The following DNAI4 variants were observed in gnomAD, a reference collection of about 807,000 sequenced individuals.
The protein encoded by DNAI4 is WD repeat domain 78.
Under a neutral mutation model 105.8 loss-of-function variants are expected in DNAI4, and 85 were observed. The ratio of observed to expected loss-of-function variants is 0.80; its 90% CI spans 0.67 to 0.96. DNAI4 has a LOEUF of 0.96. Among genes scored for constraint, DNAI4 ranks in the 40% least tolerant of loss-of-function variants. The probability of loss-of-function intolerance (pLI) is 0.00; values close to 1 mark genes in which losing one functional copy is unlikely to be tolerated. For synonymous variants in DNAI4, 352 were observed against 331.5 expected (o/e 1.06, Z -0.67); for missense variants, 1,014 against 1,005.6 (o/e 1.01, Z -0.11).
At chr1:66,816,007 T>C (rs1026986621) in intron 16 of DNAI4, among the ~76,000 whole-genome samples, 10 of 152,062 alleles carry the variant, frequency 6.6e-5, no homozygotes, top group Admixed American at 5.9e-4. Context: ...AGAAATCATG[T>C]CACTTAATAC....
At chr1:66,905,152 T>A in intron 2 of DNAI4, 49 bp downstream of exon 2, 1 of 1,341,240 alleles carries the variant, frequency 7.5e-7, no homozygotes, top group East Asian at 2.5e-5. Flanking sequence ...TTCAATTGAG[T>A]TTTTCACAGT....
At chr1:66,887,872 T>C (rs1647276237) in intron 4 of DNAI4, among the ~76,000 whole-genome samples, 1 of 152,026 alleles carries the variant, frequency 6.6e-6, no homozygotes, top group Non-Finnish European at 1.5e-5. Context: ...GGCAGGAGAA[T>C]GGCCTGAACC....
chr1:66,887,945 C>T (rs539468383), intron 4 of DNAI4, among the ~76,000 whole-genome samples: 33 of 151,752 alleles, frequency 2.2e-4, no homozygotes, highest in African/African-American at 6.8e-4. Context: ...GGTGACAGAG[C>T]GAGACTTTGT....
rs1297714379 is a variant in DNAI4, at chr1:66,835,688, G to A, written c.1671C>T (p.His557=). Residue 557 remains histidine (H), a synonymous_variant, in exon 11 of 17, where the codon CAC becomes CAT. Transcript: ENST00000371026. ...CATTGTAAATTGCAATTGTGCCATT[G>A]TGATAGCCAACGGCTAAAAGGTTAG... is the stretch of plus-strand genomic sequence containing the variant. ...GAPNLLAVGY[H]NGTIAIYNVR... 51 of 1,614,000 alleles carry A rather than the reference G, an allele frequency of 3.2e-5. No individual in the cohort carries two copies. Among genetic ancestry groups the A allele is most frequent in the Non-Finnish European group, 3.8e-5 (45 of 1,179,996 alleles).
chr1:66,840,173 C>T (rs548943183), intron 9 of DNAI4, among the ~76,000 whole-genome samples: 1 of 152,182 alleles, frequency 6.6e-6, no homozygotes, highest in South Asian at 2.1e-4. Flanking sequence ...TTTACTTATT[C>T]ATATCTAACA....
Position 66,880,936 on chromosome 1 carries a change from G to A in DNAI4, c.644-5999C>T, listed in dbSNP as rs985832449. 4.6e-5 allele frequency among the ~76,000 whole-genome samples: 7 copies of A among 152,252 alleles called. No individual in the cohort carries two copies. The East Asian group carries it at 1.4e-3, about 29-fold the overall frequency. On this transcript the variant is annotated intron_variant, in intron 4 of 16. Transcript: ENST00000371026. ...GTGTTGTGTGCAGTCTAGGTATTTTGTGCCCTGCATCCCAGCCACTCCAGC... is the reference window on the plus strand; with the variant it reads ...GTGTTGTGTGCAGTCTAGGTATTTTATGCCCTGCATCCCAGCCACTCCAGC...
chr1:66,853,280 T>TCC (rs920476428), intron 7 of DNAI4, among the ~76,000 whole-genome samples: 8 of 152,224 alleles, frequency 5.3e-5, no homozygotes, highest in African/African-American at 1.9e-4. Context: ...CCTTGGGCTT[T>TCC]CCCACAGGTT....
intron 1 of DNAI4, among the ~76,000 whole-genome samples, chr1:66,915,809 G>T (rs1650021712): frequency 6.6e-6 from 1 of 152,048 alleles, no homozygotes; most frequent in Non-Finnish European, 1.5e-5. Flanking sequence ...AAAGCTTAAA[G>T]AGAATAATTT....
chr1:66,922,253 G>A (rs1650542889), intron 1 of DNAI4, among the ~76,000 whole-genome samples: 1 of 152,122 alleles, frequency 6.6e-6, no homozygotes. Context: ...AAAAATTCAA[G>A]CAAAGGTGAG....
At position 66,856,470 on chromosome 1, in the gene DNAI4, C is replaced by T. The variant is rs1264133344; in HGVS notation, c.1096+5677G>A. On this transcript the variant is annotated intron_variant, in intron 7 of 16. Coordinates refer to ENST00000371026, the MANE Select transcript of DNAI4 (RefSeq NM_024763.5). ...CCTGGGCGACAGAGCGAGACTCCGT[C>T]TCAAAAAAATAAAATAAAAATAAAA... Among the ~76,000 whole-genome samples the T allele has an allele frequency of 2.0e-5, 3 of 151,574 alleles. No homozygotes were observed. The East Asian group carries it at 5.8e-4, about 29-fold the overall frequency.
chr1:66,839,011 A>G (rs918182306), intron 9 of DNAI4, among the ~76,000 whole-genome samples: 1 of 152,240 alleles, frequency 6.6e-6, no homozygotes, highest in Non-Finnish European at 1.5e-5. Flanking sequence ...TCCATCTGTA[A>G]TATGTTTGTA....
chr1:66,837,985 A>C (rs922689681), intron 9 of DNAI4, among the ~76,000 whole-genome samples, 189 bp from the exon 10 acceptor site: 3 of 152,206 alleles, frequency 2.0e-5, no homozygotes, highest in Non-Finnish European at 4.4e-5. Context: ...AAAGTTAATG[A>C]GTATAATGCT....
At chr1:66,852,131 T>A (rs550820853) in intron 7 of DNAI4, among the ~76,000 whole-genome samples, 1 of 151,670 alleles carries the variant, frequency 6.6e-6, no homozygotes, top group Non-Finnish European at 1.5e-5. Flanking sequence ...ATAACATAAA[T>A]CTCACAACTT....
chr1:66,830,882 T>A (rs542922353), intron 13 of DNAI4, among the ~76,000 whole-genome samples: 24 of 145,052 alleles, frequency 1.7e-4, no homozygotes, highest in Non-Finnish European at 3.3e-4. Context: ...GAGGCTGACG[T>A]GGGAGGATAG....
chr1:66,868,868 G>A (rs910077780), intron 6 of DNAI4, among the ~76,000 whole-genome samples: 2 of 151,750 alleles, frequency 1.3e-5, no homozygotes, highest in African/African-American at 4.8e-5. Flanking sequence ...ATGGGGTCAG[G>A]AGATCGAGAC....
chr1:66,847,403 C>A (rs1458122822), intron 8 of DNAI4, 81 bp downstream of exon 8: 2 of 1,383,944 alleles, frequency 1.4e-6, no homozygotes, highest in Non-Finnish European at 2.0e-6. Context: ...AAGCAATCCT[C>A]TTCCTCAGCC....
chr1:66,911,864 CAG>C (rs1240172630), intron 1 of DNAI4, among the ~76,000 whole-genome samples: 1 of 151,956 alleles, frequency 6.6e-6, no homozygotes, highest in African/African-American at 2.4e-5. Flanking sequence ...TTCTTTGAGA[CAG>C]AGTCTCACTC....
At chr1:66,914,138 G>T (rs1051506213) in intron 1 of DNAI4, among the ~76,000 whole-genome samples, 1 of 151,986 alleles carries the variant, frequency 6.6e-6, no homozygotes, top group African/African-American at 2.4e-5. Context: ...AATAAAAAGT[G>T]GGAAATAAAT....
At chr1:66,912,129 C>T (rs1260049616) in intron 1 of DNAI4, among the ~76,000 whole-genome samples, 1 of 152,172 alleles carries the variant, frequency 6.6e-6, no homozygotes, top group East Asian at 1.9e-4. Flanking sequence ...CATAAGCCAG[C>T]GTTCCCAGCT....
Sources: allele counts gnomAD v4.1 joint callset (sites outside exome capture counted in the v4.1 genomes callset), GRCh38; gene constraint gnomAD v4.1.1; transcripts MANE v1.5; gene names NCBI Gene and HGNC (gene_info 2026-07-23, HGNC 2026-07-21).